Variants in CHD6 observed in about 807,000 individuals in gnomAD.
The protein encoded by CHD6 is chromodomain helicase DNA binding protein 6, also known as ATP-dependent chromatin remodeler CHD6.
A neutral mutation model predicts 276.9 loss-of-function variants in CHD6; 50 were observed. That is an observed-to-expected ratio of 0.18 (90% CI 0.14 to 0.23). The LOEUF (loss-of-function observed/expected upper bound fraction) is 0.23. Among genes scored for constraint, CHD6 ranks in the 10% least tolerant of loss-of-function variants. CHD6 has a pLI of 1.00. For synonymous variants in CHD6, 1,173 were observed against 1,229.3 expected (o/e 0.95, Z 0.96); for missense variants, 2,564 against 3,365.8 (o/e 0.76, Z 5.89).
chr20:41,421,456 T>C lies in CHD6; in HGVS notation c.5179A>G (p.Asn1727Asp), dbSNP rs779552591. The stretch of plus-strand genomic sequence containing the variant: ...ATAACATCTTTTCTAGATTCAGTAT[T>C]GGTACTTGGGCTCTCCTGAAAAGAG... The part of the protein sequence containing the change: ...PSSFQESPST[N>D]TESRKDVITI... Residue 1727 changes from asparagine (N) to aspartate (D), a missense_variant, in exon 31 of 37, where the codon AAT becomes GAT. Coordinates refer to ENST00000373233, the MANE Select transcript of CHD6 (RefSeq NM_032221.5). 1.2e-6 allele frequency: 2 copies of C among 1,614,058 alleles called. No individual in the cohort carries two copies. Among genetic ancestry groups the C allele is most frequent in the Non-Finnish European group, 1.7e-6 (2 of 1,180,028 alleles).
In CHD6 at chr20:41,423,478, G is replaced by C; in HGVS notation, c.4555+14C>G. 6.2e-7 allele frequency: 1 copy of C among 1,608,394 alleles called. No homozygotes were observed. On this transcript the variant is annotated intron_variant, in intron 30 of 36. Transcript: ENST00000373233. ...TCCTTGTATCATCTGACAATATACT[G>C]ATAGTTTTCTCACCGCCATCTTTCC...
At chr20:41,562,594 T>C (rs1352262941) in intron 1 of CHD6, among the ~76,000 whole-genome samples, 1 of 152,158 alleles carries the variant, frequency 6.6e-6, no homozygotes, top group Non-Finnish European at 1.5e-5. Context: ...AAAAATTATC[T>C]TTTGTGTATA....
chr20:41,411,623 G>A (rs2046842677), intron 36 of CHD6, among the ~76,000 whole-genome samples: 1 of 152,102 alleles, frequency 6.6e-6, no homozygotes, highest in South Asian at 2.1e-4. Flanking sequence ...TAATTAACTC[G>A]GATTCGTTAT....
chr20:41,485,967 T>A (rs2043404153), intron 14 of CHD6: 1 of 152,130 alleles, frequency 6.6e-6, no homozygotes, highest in Non-Finnish European at 1.5e-5. Flanking sequence ...CCAAAAAATT[T>A]AAAATTAAAT....
rs879634907 is a variant in CHD6, at chr20:41,442,289, TA to T, written c.3878-2161del. On this transcript the variant is annotated intron_variant, in intron 25 of 36. Coordinates refer to ENST00000373233, the MANE Select transcript of CHD6 (RefSeq NM_032221.5). ...ATGAGATCCCCTCTCTACAAAAAAT[TA>T]AAAAAAAAAAAATTAGCCAGGCATG... Among the ~76,000 whole-genome samples, 731 of 142,076 alleles carry T rather than the reference TA, an allele frequency of 5.1e-3. 1 individual carries two copies. The highest frequency in any genetic ancestry group is 0.015 in the African/African-American group (566 of 38,768). 93.2% of individuals were successfully genotyped at this position (142,076 alleles called of 152,430 possible). A position where few individuals can be genotyped will look rare whatever the true frequency, so the allele number is the denominator to read the frequency against.
intron 31 of CHD6, among the ~76,000 whole-genome samples, chr20:41,417,973 T>A (rs1039952686): frequency 6.6e-6 from 1 of 152,252 alleles, no homozygotes; most frequent in Non-Finnish European, 1.5e-5. Flanking sequence ...AAAGATCCAC[T>A]TACAGGAAAT....
chr20:41,435,559 G>A (rs986338543), intron 27 of CHD6, among the ~76,000 whole-genome samples: 2 of 147,780 alleles, frequency 1.4e-5, no homozygotes, highest in African/African-American at 2.5e-5. Context: ...AGCTATGATT[G>A]CATCACCACA....
chr20:41,519,220 T>A (rs545596775), intron 3 of CHD6, among the ~76,000 whole-genome samples: 1 of 152,240 alleles, frequency 6.6e-6, no homozygotes, highest in Admixed American at 6.5e-5. Context: ...AAGGCAGAGG[T>A]TGCAGTGAGC....
intron 5 of CHD6, among the ~76,000 whole-genome samples, chr20:41,510,116 C>G (rs1280732829): frequency 6.6e-6 from 1 of 152,174 alleles, no homozygotes; most frequent in Admixed American, 6.5e-5. Flanking sequence ...AGCAGGCAGG[C>G]AGACACCCAC....
rs748848980 is a variant in CHD6, at chr20:41,425,346, G to A, written c.4178C>T (p.Ala1393Val). 4 of 1,614,100 alleles carry A rather than the reference G, an allele frequency of 2.5e-6. No individual in the cohort carries two copies. The African/African-American group carries it at 5.3e-5, about 22-fold the overall frequency. The change falls in exon 29 of 37, where the codon GCC becomes GTC. Residue 1393 changes from alanine to valine, a missense_variant. Transcript: ENST00000373233. ...PDKSPWPVSSALTARLRRLVT... is the reference protein window; with the variant it reads ...PDKSPWPVSSVLTARLRRLVT... ...CAGACGTCTGAGACGAGCTGTGAGG[G>A]CGGAGGAAACTGGCCAGGGCGATTT...
intron 29 of CHD6, 104 bp from the exon 30 acceptor site, chr20:41,423,804 G>A: frequency 2.3e-6 from 2 of 871,970 alleles, no homozygotes; most frequent in East Asian, 4.9e-5. Flanking sequence ...GTCAAGAAAG[G>A]AGGCAGAGCT....
At chr20:41,503,736 G>C (rs2043895422) in intron 5 of CHD6, among the ~76,000 whole-genome samples, 2 of 151,974 alleles carry the variant, frequency 1.3e-5, no homozygotes, top group Admixed American at 1.3e-4. Context: ...ATCGTCAAAT[G>C]CTACTCTGCT....
intron 5 of CHD6, among the ~76,000 whole-genome samples, chr20:41,510,406 GGTT>G (rs1480008489): frequency 6.6e-6 from 1 of 152,218 alleles, no homozygotes; most frequent in East Asian, 1.9e-4. Flanking sequence ...TCCCCTCACT[GGTT>G]GTGTAGCCTG....
intron 27 of CHD6, among the ~76,000 whole-genome samples, chr20:41,428,434 C>T (rs868641658): frequency 6.6e-6 from 1 of 152,198 alleles, no homozygotes; most frequent in South Asian, 2.1e-4. Flanking sequence ...ACATGATTAA[C>T]TTGAAAGAAA....
chr20:41,412,187 C>G lies in CHD6; in HGVS notation c.7208G>C (p.Gly2403Ala). Reference protein sequence around the residue: ...PGKLDVSSLSGEERVPAIPKE... With the variant: ...PGKLDVSSLSAEERVPAIPKE... The stretch of plus-strand genomic sequence containing the variant: ...GGGGATGGCAGGAACTCTCTCTTCC[C>G]CGCTCAGGGAGCTGACATCTAATTT... The change falls in exon 36 of 37, where the codon GGG (glycine) becomes GCG (alanine). Residue 2403 changes from glycine to alanine, a missense_variant. Gly to Ala is a moderately conservative substitution (Grantham distance 60). Around this residue, in one of 7 missense-constraint regions of CHD6, gnomAD observed 1,024 missense variants for 1,047.9 expected, o/e 0.98. Coordinates refer to ENST00000373233, the MANE Select transcript of CHD6 (RefSeq NM_032221.5). 6.2e-7 allele frequency: 1 copy of G among 1,614,230 alleles called. No homozygotes were observed. The highest frequency in any genetic ancestry group is 8.5e-7 in the Non-Finnish European group (1 of 1,180,028).
At chr20:41,504,484 A>T (rs1201064338) in intron 5 of CHD6, among the ~76,000 whole-genome samples, 2 of 143,762 alleles carry the variant, frequency 1.4e-5, no homozygotes, top group East Asian at 4.0e-4. Context: ...ATCTCACCTC[A>T]CTAAAACCTC....
At chr20:41,423,100 G>A (rs149716107) in intron 30 of CHD6, among the ~76,000 whole-genome samples, 10 of 152,284 alleles carry the variant, frequency 6.6e-5, no homozygotes, top group East Asian at 5.8e-4. Context: ...GTTACAAGTC[G>A]ACATGTGAGG....
chr20:41,559,119 T>C (rs1568701843), intron 1 of CHD6, among the ~76,000 whole-genome samples: 1 of 150,872 alleles, frequency 6.6e-6, no homozygotes, highest in African/African-American at 2.5e-5. Context: ...TATGTATCTA[T>C]TTGGTTTTAA....
chr20:41,609,425 A>G (rs759257266), intron 1 of CHD6, among the ~76,000 whole-genome samples: 1 of 152,236 alleles, frequency 6.6e-6, no homozygotes, highest in Non-Finnish European at 1.5e-5. Flanking sequence ...GCACCTGCCC[A>G]GACAACCTAC....
Sources: gnomAD v4.1 joint callset for allele counts (sites outside exome capture counted in the v4.1 genomes callset) on GRCh38, gnomAD v4.1.1 for gene constraint, gnomAD v4.1.1 regional missense constraint, MANE v1.5 for transcripts, NCBI Gene and HGNC (gene_info 2026-07-23, HGNC 2026-07-21) for gene names.